The following SOX5 variants were observed in gnomAD, a reference collection of about 807,000 sequenced individuals.
The protein encoded by SOX5 is SRY-box transcription factor 5.
In SOX5, 9 loss-of-function variants were observed where a neutral mutation model predicts 92.0. That is an observed-to-expected ratio of 0.10 (90% CI 0.06 to 0.17). SOX5 has a LOEUF of 0.17. SOX5 is among the 10% of genes least tolerant of loss of function. The probability of loss-of-function intolerance (pLI) is 1.00; values close to 1 mark genes in which losing one functional copy is unlikely to be tolerated. For missense variants in SOX5, 642 were observed against 944.5 expected (o/e 0.68, Z 4.20); for synonymous variants, 344 against 336.3 (o/e 1.02, Z -0.25).
At position 23,779,094 on chromosome 12, in the gene SOX5, T is replaced by C. The variant is rs186199056; in HGVS notation, c.482-23370A>G. ...CTTCCAGCATAAGATACTTTCATAG[T>C]AAAACTTTTCCATGGTGGATTCTAA... On this transcript the variant is annotated intron_variant, in intron 3 of 14. Coordinates refer to ENST00000451604, the MANE Select transcript of SOX5 (RefSeq NM_006940.6). Among the ~76,000 whole-genome samples the C allele has an allele frequency of 2.2e-3, 341 of 152,270 alleles. 2 individuals carry two copies. The highest frequency in any genetic ancestry group is 7.9e-3 in the African/African-American group (330 of 41,544).
At chr12:23,726,849 G>A (rs929485548) in intron 6 of SOX5, among the ~76,000 whole-genome samples, 1 of 152,128 alleles carries the variant, frequency 6.6e-6, no homozygotes, top group African/African-American at 2.4e-5. Context: ...TGGATAAAAT[G>A]TTCCCAATGC....
At chr12:24,492,948 T>C (rs1947239878) in intron 1 of SOX5, among the ~76,000 whole-genome samples, 1 of 152,188 alleles carries the variant, frequency 6.6e-6, no homozygotes, top group Non-Finnish European at 1.5e-5. Context: ...TCTGCTCCAG[T>C]AAACAAAATA....
In SOX5 at chr12:24,043,371, T is replaced by G. The variant is rs2137020031; in HGVS notation, c.-1-147347A>C. ...AAATATCTGAATTCCTGAATTAATT[T>G]CCCTTTTGTGTTCAACTATTTTGTA... is the stretch of plus-strand genomic sequence containing the variant. On this transcript the variant is annotated intron_variant, in intron 4 of 4. Coordinates refer to the SOX5 transcript ENST00000446891. 2.0e-5 allele frequency among the ~76,000 whole-genome samples: 3 copies of G among 152,338 alleles called. 1 individual carries two copies. The South Asian group carries it at 6.2e-4, about 32-fold the overall frequency.
At chr12:23,813,928 A>G (rs1594714552) in intron 3 of SOX5, among the ~76,000 whole-genome samples, 1 of 152,188 alleles carries the variant, frequency 6.6e-6, no homozygotes, top group Non-Finnish European at 1.5e-5. Flanking sequence ...ATGCGGCAAA[A>G]TAAGGGCGAT....
At chr12:23,918,312 T>C (rs1044325044) in intron 1 of SOX5, among the ~76,000 whole-genome samples, 5 of 152,062 alleles carry the variant, frequency 3.3e-5, no homozygotes, top group African/African-American at 4.8e-5. Flanking sequence ...TCCTAGAGAG[T>C]TCTAATTCGG....
intron 1 of SOX5, among the ~76,000 whole-genome samples, chr12:24,521,676 G>A (rs1457036450): frequency 2.6e-5 from 4 of 152,070 alleles, no homozygotes; most frequent in African/African-American, 7.2e-5. Context: ...ATTCACAAAC[G>A]CATGGAAAGT....
chr12:23,857,930 C>T (rs527726522), intron 2 of SOX5, among the ~76,000 whole-genome samples: 12 of 152,100 alleles, frequency 7.9e-5, no homozygotes, highest in Admixed American at 3.3e-4. Flanking sequence ...GACGGGGTTT[C>T]GCCATATTGG....
chr12:23,999,629 GAGTCTTTTACTTTAAAAA>G (rs914448875), intron 4 of SOX5, among the ~76,000 whole-genome samples: 3 of 151,976 alleles, frequency 2.0e-5, no homozygotes, highest in East Asian at 1.9e-4. Context: ...ATTAATAAAA[GAGTCTTTTACTTTAAAAA>G]AGTCTTTTAC....
chr12:23,740,011 CG>C (rs1232926264), intron 5 of SOX5, among the ~76,000 whole-genome samples: 4 of 151,994 alleles, frequency 2.6e-5, no homozygotes, highest in Admixed American at 2.0e-4. Context: ...GTACAGTGCC[CG>C]GCACATAAGA....
chr12:24,288,053 C>T (rs1291229581), intron 2 of SOX5, among the ~76,000 whole-genome samples: 2 of 152,196 alleles, frequency 1.3e-5, no homozygotes, highest in East Asian at 3.9e-4. Context: ...TATGTGCCTT[C>T]TTATTCATTG....
At chr12:24,327,341 C>T (rs192608992) in intron 2 of SOX5, among the ~76,000 whole-genome samples, 50 of 142,822 alleles carry the variant, frequency 3.5e-4, no homozygotes, top group East Asian at 1.0e-3. Flanking sequence ...ATACAGATGA[C>T]GCAGGTGCAC....
intron 4 of SOX5, among the ~76,000 whole-genome samples, chr12:24,125,844 C>T (rs1949056297): frequency 6.6e-6 from 1 of 152,156 alleles, no homozygotes; most frequent in African/African-American, 2.4e-5. Context: ...TTCTCTTCTC[C>T]ACCCACACCA....
intron 1 of SOX5, among the ~76,000 whole-genome samples, chr12:24,391,679 T>G (rs1156272713): frequency 1.3e-5 from 2 of 152,176 alleles, no homozygotes. Context: ...ATGGCTCTAT[T>G]AAAAGAAGTA....
chr12:24,483,394 G>A (rs569992370), intron 1 of SOX5, among the ~76,000 whole-genome samples: 5 of 152,086 alleles, frequency 3.3e-5, no homozygotes, highest in African/African-American at 1.2e-4. Context: ...CCTTGTTTTG[G>A]GCATCCCCAT....
At chr12:24,405,300 G>T (rs1035581222) in intron 1 of SOX5, among the ~76,000 whole-genome samples, 2 of 152,086 alleles carry the variant, frequency 1.3e-5, no homozygotes, top group Non-Finnish European at 2.9e-5. Flanking sequence ...TCATGGGGGG[G>T]TATACTATTT....
At chr12:24,031,263 A>T (rs1346890906) in intron 4 of SOX5, among the ~76,000 whole-genome samples, 1 of 151,630 alleles carries the variant, frequency 6.6e-6, no homozygotes, top group African/African-American at 2.4e-5. Flanking sequence ...TCTCATGTTT[A>T]CTGTAGCATT....
chr12:24,235,721 C>A (rs1964348264), intron 3 of SOX5, among the ~76,000 whole-genome samples: 1 of 152,150 alleles, frequency 6.6e-6, no homozygotes, highest in Non-Finnish European at 1.5e-5. Context: ...ATACTTAAGT[C>A]TCATCTATCT....
chr12:23,673,177 A>C (rs1021155287), intron 6 of SOX5, among the ~76,000 whole-genome samples: 2 of 152,186 alleles, frequency 1.3e-5, no homozygotes, highest in Non-Finnish European at 2.9e-5. Flanking sequence ...GAGCTGAATA[A>C]ATGAATTCAA....
chr12:23,596,059 C>T (rs1261788173), intron 9 of SOX5, among the ~76,000 whole-genome samples: 1 of 152,168 alleles, frequency 6.6e-6, no homozygotes, highest in African/African-American at 2.4e-5. Context: ...GGACTGAATA[C>T]CTTCTGGGCT....
Sources: gnomAD v4.1 joint callset for allele counts (sites outside exome capture counted in the v4.1 genomes callset) on GRCh38, gnomAD v4.1.1 for gene constraint, MANE v1.5 for transcripts, NCBI Gene and HGNC (gene_info 2026-07-23, HGNC 2026-07-21) for gene names.